GFAP: variants seen among roughly 807,000 people sequenced by gnomAD.
GFAP encodes the protein intermediate filament protein.
A neutral mutation model predicts 49.3 loss-of-function variants in GFAP; 38 were observed. The ratio of observed to expected loss-of-function variants is 0.77; its 90% confidence interval spans 0.60 to 1.01. GFAP has a LOEUF of 1.01. GFAP is among the 50% of genes least tolerant of loss of function. The pLI, the probability that GFAP is intolerant of heterozygous loss-of-function variation, is 0.00. For synonymous variants in GFAP, 222 were observed against 236.4 expected, an observed-to-expected ratio of 0.94 and a Z score of 0.56; for missense variants, 463 against 579.1, an observed-to-expected ratio of 0.80 and a Z score of 2.06.
chr17:44,911,606 C>G, intron 5 of GFAP, 66 bp downstream of exon 5: 1 of 1,597,806 alleles, frequency 6.3e-7, no homozygotes, highest in South Asian at 1.1e-5. Context: ...GGCCCTTCTC[C>G]CCTGGCATCT....
intron 1 of GFAP, 179 bp downstream of exon 1, chr17:44,914,847 C>T (rs2051869048): frequency 3.2e-6 from 2 of 623,092 alleles, no homozygotes; most frequent in Non-Finnish European, 5.6e-6. Context: ...TCCCCGGGGC[C>T]CTGGGCCTGT....
chr17:44,913,615 G>T, intron 3 of GFAP, 113 bp downstream of exon 3: 1 of 1,049,028 alleles, frequency 9.5e-7, no homozygotes, highest in Non-Finnish European at 1.5e-6. Flanking sequence ...GCCAATCTCT[G>T]TTTCTCTCCT....
Position 44,904,959 on chromosome 17 carries a change from CTGTGGAGCT to C in GFAP, c.*2379_*2387del. 6.4e-7 allele frequency: 1 copy of C among 1,550,754 alleles called. No individual in the cohort carries two copies. The highest frequency in any genetic ancestry group is 1.2e-5 in the South Asian group (1 of 84,066). ...TTCTCAGATCCTGAGACTCGCTCGGCTGTGGAGCTCACCCTGATAGGCTACCTGCTCATC... is the reference window on the plus strand; with the variant it reads ...TTCTCAGATCCTGAGACTCGCTCGGCCACCCTGATAGGCTACCTGCTCATC... On this transcript the variant is annotated 3_prime_UTR_variant, in exon 9 of 9. Coordinates refer to ENST00000588735, the MANE Select transcript of GFAP (RefSeq NM_002055.5).
intron 7 of GFAP, chr17:44,910,054 C>T: frequency 1.2e-6 from 2 of 1,608,192 alleles, no homozygotes; most frequent in South Asian, 2.2e-5. Flanking sequence ...GAAGAGGGAA[C>T]TCAGGGGGAT....
At position 44,904,368 on chromosome 17, in the gene GFAP, G is replaced by A. The variant is rs1283350094; in HGVS notation, c.*2979C>T. ...TTCTGGGAATGGACCCCCTGTGACC[G>A]CTGCGGAGTGCGTGGGGAGCAGTGG... is the stretch of plus-strand genomic sequence containing the variant. On this transcript the variant is annotated 3_prime_UTR_variant, in exon 9 of 9. Coordinates refer to ENST00000588735, the MANE Select transcript of GFAP (RefSeq NM_002055.5). 45 of 1,543,156 alleles carry A rather than the reference G, an allele frequency of 2.9e-5. No homozygotes were observed. Among genetic ancestry groups the A allele is most frequent in the Middle Eastern group, 1.7e-4 (1 of 5,986 alleles).
At chr17:44,910,238 C>T in intron 7 of GFAP, 2 of 1,613,908 alleles carry the variant, frequency 1.2e-6, no homozygotes, top group Non-Finnish European at 1.7e-6. Flanking sequence ...TGTGATTTTC[C>T]CCGTCTTTGG....
Position 44,915,454 on chromosome 17 carries a change from G to T in GFAP, c.33C>A (p.Arg11=). ...TCTCCCCTGAGGAGACGTAGGAGCG[G>T]CGAGCAGCGGAGGTGATGCGTCTCC... MERRRITSAA[R]RSYVSSGEMM... Residue 11 remains arginine (R), a synonymous_variant, in exon 1 of 9, where the codon CGC becomes CGA. Coordinates refer to ENST00000588735, the MANE Select transcript of GFAP (RefSeq NM_002055.5). The surrounding 1 kb of genome is among the most constrained non-coding windows in gnomAD (Gnocchi z 4.1). The T allele has an allele frequency of 1.2e-6, 2 of 1,602,726 alleles. No individual in the cohort carries two copies. Among genetic ancestry groups the T allele is most frequent in the Non-Finnish European group, 1.7e-6 (2 of 1,175,276 alleles).
rs1375606837 is a variant in GFAP at position 44,911,536 on chromosome 17, C to T, written c.907-80G>A. The stretch of plus-strand genomic sequence containing the variant: ...TCGAGGCCCGGCCCCCGGCCCCAGG[C>T]CCCGCCTCTAGCCCGGGGGTAACGT... On this transcript the variant is annotated intron_variant, in intron 5 of 8. Coordinates refer to ENST00000588735, the MANE Select transcript of GFAP (RefSeq NM_002055.5). 8 of 1,550,006 alleles carry T rather than the reference C, an allele frequency of 5.2e-6. No individual in the cohort carries two copies. The East Asian group carries it at 1.1e-4, about 22-fold the overall frequency.
chr17:44,905,234 C>T lies in GFAP; in HGVS notation c.*2113G>A. ...TTCATGGGCAGGTCTGGGACCTGATCTGAGAAGTGGAGGGGCCTGAGGCTG... is the reference window on the plus strand; with the variant it reads ...TTCATGGGCAGGTCTGGGACCTGATTTGAGAAGTGGAGGGGCCTGAGGCTG... On this transcript the variant is annotated 3_prime_UTR_variant, in exon 9 of 9. Transcript: ENST00000588735. The T allele has an allele frequency of 1.6e-6, 1 of 631,940 alleles. No homozygotes were observed. Among genetic ancestry groups the T allele is most frequent in the Non-Finnish European group, 2.8e-6 (1 of 356,594 alleles). 39.1% of individuals were successfully genotyped at this position (631,940 alleles called of 1,614,324 possible).
At position 44,905,356 on chromosome 17, in the gene GFAP, A is replaced by C; in HGVS notation, c.*1991T>G. Reference sequence around the variant, plus strand: ...AGAAGGAAAGTGTGAACTCAGATTTATCCAGTGGTAAACACTGATCAGTGT... The same window carrying C: ...AGAAGGAAAGTGTGAACTCAGATTTCTCCAGTGGTAAACACTGATCAGTGT... On this transcript the variant is annotated 3_prime_UTR_variant, in exon 9 of 9. Coordinates refer to ENST00000588735, the MANE Select transcript of GFAP (RefSeq NM_002055.5). 1 of 441,308 alleles carries C rather than the reference A, an allele frequency of 2.3e-6. No homozygotes were observed. Among genetic ancestry groups the C allele is most frequent in the Admixed American group, 4.1e-5 (1 of 24,630 alleles). 27.3% of individuals were successfully genotyped at this position (441,308 alleles called of 1,614,324 possible). A position where few individuals can be genotyped will look rare whatever the true frequency, so the allele number is the denominator to read the frequency against.
chr17:44,913,695 T>C, intron 3 of GFAP, 33 bp downstream of exon 3: 1 of 1,474,390 alleles, frequency 6.8e-7, no homozygotes, highest in Non-Finnish European at 9.5e-7. Context: ...GCAATCTCTG[T>C]GTTGAGCTTT....
chr17:44,910,112 G>A, intron 7 of GFAP: 1 of 1,613,912 alleles, frequency 6.2e-7, no homozygotes, highest in Non-Finnish European at 8.5e-7. Context: ...GCTGGGCAAA[G>A]CGCCGTGTCT....
Position 44,904,669 on chromosome 17 carries a change from A to G in GFAP, c.*2678T>C. The G allele has an allele frequency of 6.4e-7, 1 of 1,550,504 alleles. No individual in the cohort carries two copies. Among genetic ancestry groups the G allele is most frequent in the South Asian group, 1.2e-5 (1 of 84,062 alleles). On this transcript the variant is annotated 3_prime_UTR_variant, in exon 9 of 9. Transcript: ENST00000588735. The stretch of plus-strand genomic sequence containing the variant: ...TGCCCATTCAGTTCCACCAGCAGAG[A>G]CTGGGCCATGGACTCATCATCTCCT...
At chr17:44,910,367 G>A (rs1182832084) in intron 7 of GFAP, 1 of 1,609,650 alleles carries the variant, frequency 6.2e-7, no homozygotes, top group African/African-American at 1.3e-5. Flanking sequence ...ACCCAGTTCT[G>A]CTGTCGAATG....
At position 44,907,219 on chromosome 17, in the gene GFAP, G is replaced by T; in HGVS notation, c.*128C>A. 1.2e-6 allele frequency: 1 copy of T among 856,940 alleles called. No homozygotes were observed. Among genetic ancestry groups the T allele is most frequent in the Non-Finnish European group, 2.0e-6 (1 of 506,706 alleles). The allele number at this position is 856,940 out of a possible 1,614,324, so 53.1% of individuals were successfully genotyped here. The stretch of plus-strand genomic sequence containing the variant: ...GCAAGCTGACCTAGGGACAGAGGAG[G>T]GAGGGGAGCAGCTGGGGTGGTGGGG... On this transcript the variant is annotated 3_prime_UTR_variant, in exon 9 of 9. Transcript: ENST00000588735.
At position 44,907,246 on chromosome 17, in the gene GFAP, G is replaced by A; in HGVS notation, c.*101C>T. On this transcript the variant is annotated 3_prime_UTR_variant, in exon 9 of 9. Coordinates refer to ENST00000588735, the MANE Select transcript of GFAP (RefSeq NM_002055.5). Reference sequence around the variant, plus strand: ...AGGGGAGCAGCTGGGGTGGTGGGGAGCTCAGGTCTGGGGAAATGTGCCAGC... The same window carrying A: ...AGGGGAGCAGCTGGGGTGGTGGGGAACTCAGGTCTGGGGAAATGTGCCAGC... 1 of 1,102,172 alleles carries A rather than the reference G, an allele frequency of 9.1e-7. No individual in the cohort carries two copies. The highest frequency in any genetic ancestry group is 1.3e-5 in the South Asian group (1 of 79,796). The allele number at this position is 1,102,172 out of a possible 1,614,324, so 68.3% of individuals were successfully genotyped here.
Position 44,904,750 on chromosome 17 carries a change from CT to C in GFAP, c.*2596del, listed in dbSNP as rs1460051021. On this transcript the variant is annotated 3_prime_UTR_variant, in exon 9 of 9. Transcript: ENST00000588735. The stretch of plus-strand genomic sequence containing the variant: ...CCTGGGACAAAGACCGCCAGCACCT[CT>C]ACCGCACACAGTACCTGAAGGGTGT... 1 of 1,550,520 alleles carries C rather than the reference CT, an allele frequency of 6.4e-7. No individual in the cohort carries two copies.
Position 44,909,897 on chromosome 17 carries a change from A to T in GFAP, c.1171+718T>A, listed in dbSNP as rs937094799. The T allele has an allele frequency of 8.5e-5, 116 of 1,366,188 alleles. 1 individual carries two copies. The Middle Eastern group carries it at 2.8e-3, about 33-fold the overall frequency. 84.6% of individuals were successfully genotyped at this position (1,366,188 alleles called of 1,614,324 possible). ...GCTGCTTGCTCAGAGGCCCCAGAGC[A>T]GCTCCACTGCGCACCCAAGGACTCA... On this transcript the variant is annotated intron_variant, in intron 7 of 8. Transcript: ENST00000588735.
At position 44,903,381 on chromosome 17, in the gene GFAP, A is replaced by T; in HGVS notation, c.*3966T>A. 8.0e-7 allele frequency: 1 copy of T among 1,248,240 alleles called. No individual in the cohort carries two copies. Among genetic ancestry groups the T allele is most frequent in the Non-Finnish European group, 1.0e-6 (1 of 997,476 alleles). 77.3% of individuals were successfully genotyped at this position (1,248,240 alleles called of 1,614,324 possible). On this transcript the variant is annotated 3_prime_UTR_variant, in exon 9 of 9. Coordinates refer to ENST00000588735, the MANE Select transcript of GFAP (RefSeq NM_002055.5). ...AGCTCAGGTCCAGCCAGCCTCCCGGATGGCCAGATATGCAGGAGGGTGGGT... is the reference window on the plus strand; with the variant it reads ...AGCTCAGGTCCAGCCAGCCTCCCGGTTGGCCAGATATGCAGGAGGGTGGGT...
Sources: gnomAD v4.1 joint callset for allele counts on GRCh38, gnomAD v4.1.1 for gene constraint, Gnocchi (gnomAD v3.1) non-coding constraint, MANE v1.5 for transcripts, NCBI Gene and HGNC (gene_info 2026-07-23, HGNC 2026-07-21) for gene names.